Variants in ARPC1B observed in about 807,000 individuals in gnomAD.
ARPC1B encodes actin related protein 2/3 complex subunit 1B.
Under a neutral mutation model 46.0 loss-of-function variants are expected in ARPC1B, and 29 were observed. The observed-to-expected ratio is 0.63, with a 90% confidence interval of 0.47 to 0.86. The LOEUF is 0.86. ARPC1B is among the 40% of genes least tolerant of loss of function. The probability of loss-of-function intolerance (pLI) is 0.00; values close to 1 mark genes in which losing one functional copy is unlikely to be tolerated. For missense variants in ARPC1B, 469 were observed against 529.4 expected, an observed-to-expected ratio of 0.89 and a Z score of 1.12; for synonymous variants, 201 against 213.9, an observed-to-expected ratio of 0.94 and a Z score of 0.53.
rs1391801604 is a variant in ARPC1B at position 99,392,788 on chromosome 7, C to T, written c.901C>T (p.Arg301Cys). ...GCAGCGTGGCTTGACGGCCCGCGAG[C>T]GCTTCCAGAACCTGGACAAGAAGGC... The part of the protein sequence containing the change: ...SSQRGLTARE[R>C]FQNLDKKASS... Residue 301 changes from arginine (R) to cysteine (C), a missense_variant, in exon 8 of 10, where the codon CGC becomes TGC. Physicochemically the swap from Arg to Cys is radical, Grantham distance 180. Transcript: ENST00000646101. 3 of 1,549,882 alleles carry T rather than the reference C, an allele frequency of 1.9e-6. No homozygotes were observed. Among genetic ancestry groups the T allele is most frequent in the Non-Finnish European group, 2.6e-6 (3 of 1,146,718 alleles).
rs761661065 is a variant in ARPC1B, at chr7:99,376,045, G to A, written c.-14+1264G>A. ...CCATTGCACTCCAGCCTGGGCAACA[G>A]AGCAAGACTCCGTCTCAAAAAAAAA... On this transcript the variant is annotated intron_variant, in intron 1 of 9. Transcript: ENST00000646101. Among the ~76,000 whole-genome samples, 3 of 143,466 alleles carry A rather than the reference G, an allele frequency of 2.1e-5. No homozygotes were observed. In the Admixed American group the frequency reaches 2.1e-4, roughly 10 times the overall value. 94.1% of individuals were successfully genotyped at this position (143,466 alleles called of 152,430 possible).
intron 7 of ARPC1B, chr7:99,392,278 G>T (rs917572478): frequency 2.5e-5 from 5 of 197,364 alleles, no homozygotes; most frequent in Middle Eastern, 2.0e-3. Context: ...TCCAGGAAGG[G>T]CACTGCTCTC....
At chr7:99,391,277 G>A in intron 7 of ARPC1B, 24 bp downstream of exon 7, 1 of 1,610,642 alleles carries the variant, frequency 6.2e-7, no homozygotes, top group Non-Finnish European at 8.5e-7. Context: ...AGGGGAGGGA[G>A]GGTGTGTGGT....
At chr7:99,376,198 G>T (rs564570426) in intron 1 of ARPC1B, among the ~76,000 whole-genome samples, 2 of 152,276 alleles carry the variant, frequency 1.3e-5, no homozygotes, top group South Asian at 4.1e-4. Context: ...AACAGAGCCA[G>T]ACTCCGTCTC....
chr7:99,392,867 A>G lies in ARPC1B; in HGVS notation c.980A>G (p.Asn327Ser), dbSNP rs903910250. Residue 327 changes from asparagine to serine, a missense_variant, in exon 8 of 10, where the codon AAC (asparagine) becomes AGC (serine). Physicochemically the swap from Asn to Ser is conservative, Grantham distance 46. Coordinates refer to ENST00000646101, the MANE Select transcript of ARPC1B (RefSeq NM_005720.4). ...AGAGLDSLHKNSVSQISVLSG... is the reference protein window; with the variant it reads ...AGAGLDSLHKSSVSQISVLSG... The stretch of plus-strand genomic sequence containing the variant: ...GCGGGCCTAGACTCGCTGCACAAGA[A>G]CAGCGTCAGGTGAGAGCGGGAGCCG... 26 of 1,544,892 alleles carry G rather than the reference A, an allele frequency of 1.7e-5. No homozygotes were observed. The Admixed American group carries it at 2.4e-4, about 14-fold the overall frequency.
At chr7:99,384,415 C>A (rs1055786166) in intron 1 of ARPC1B, among the ~76,000 whole-genome samples, 1 of 150,434 alleles carries the variant, frequency 6.6e-6, no homozygotes, top group African/African-American at 2.5e-5. Flanking sequence ...TGTGAGACCC[C>A]CCTCTCTACA....
intron 1 of ARPC1B, among the ~76,000 whole-genome samples, chr7:99,381,929 T>A (rs1311496663): frequency 1.3e-5 from 2 of 152,170 alleles, no homozygotes; most frequent in African/African-American, 4.8e-5. Context: ...CCTGGTTGGC[T>A]CCCAGCCCAG....
chr7:99,377,613 T>G lies in ARPC1B; in HGVS notation c.-14+2832T>G, dbSNP rs182789450. 9.7e-3 allele frequency among the ~76,000 whole-genome samples: 1,380 copies of G among 141,868 alleles called. 19 individuals carry two copies. Among genetic ancestry groups the G allele is most frequent in the African/African-American group, 0.031 (1,243 of 40,128 alleles). The allele number at this position is 141,868 out of a possible 152,430, so 93.1% of individuals were successfully genotyped here. On this transcript the variant is annotated intron_variant, in intron 1 of 9. Coordinates refer to ENST00000646101, the MANE Select transcript of ARPC1B (RefSeq NM_005720.4). ...CAGGCGTGAGCCACCGCGCCCAGCTTCTTCTTCTTCTTCTTCTTCTTTTTT... is the reference window on the plus strand; with the variant it reads ...CAGGCGTGAGCCACCGCGCCCAGCTGCTTCTTCTTCTTCTTCTTCTTTTTT...
chr7:99,394,170 TC>T lies in ARPC1B; in HGVS notation c.1080+57del, dbSNP rs1219708794. ...CGCCATGCCTCCCAGGTCAACCCTT[TC>T]CCCCCATCCCCACTCCCTGGAGATG... On this transcript the variant is annotated intron_variant, in intron 9 of 9. Transcript: ENST00000646101. 1.9e-6 allele frequency: 3 copies of T among 1,572,926 alleles called. No individual in the cohort carries two copies. The Admixed American group carries it at 5.2e-5, about 27-fold the overall frequency.
At chr7:99,385,896 C>G (rs746311773) in intron 2 of ARPC1B, 118 bp downstream of exon 2, 41 of 1,083,442 alleles carry the variant, frequency 3.8e-5, no homozygotes, top group Non-Finnish European at 5.4e-5. Flanking sequence ...CTCCATGTGG[C>G]TGTCCCCTGG....
intron 1 of ARPC1B, among the ~76,000 whole-genome samples, chr7:99,384,531 G>C (rs1030080657): frequency 6.6e-6 from 1 of 152,150 alleles, no homozygotes; most frequent in African/African-American, 2.4e-5. Context: ...CTGGGCCACA[G>C]AGAGAGACCC....
rs1306393256 is a variant in ARPC1B at position 99,391,047 on chromosome 7, T to TG, written c.658dup (p.Val220GlyfsTer11). ...CTCAGCCAGCGGGAGCCGCGTGGCC[T>TG]GGGTAAGCCACGACAGCACCGTCTG... On this transcript the variant is annotated frameshift_variant, in exon 6 of 10. Coordinates refer to ENST00000646101, the MANE Select transcript of ARPC1B (RefSeq NM_005720.4). LOFTEE classifies it high-confidence loss of function. The TG allele has an allele frequency of 6.2e-7, 1 of 1,613,836 alleles. No individual in the cohort carries two copies. The highest frequency in any genetic ancestry group is 1.3e-5 in the African/African-American group (1 of 74,922).
intron 1 of ARPC1B, among the ~76,000 whole-genome samples, chr7:99,376,082 C>T (rs113005214): frequency 1.4e-5 from 2 of 142,352 alleles, no homozygotes; most frequent in East Asian, 2.0e-4. Flanking sequence ...AAAAAAGCCA[C>T]GTAACATGCC....
At chr7:99,392,952 C>T in intron 8 of ARPC1B, 76 bp downstream of exon 8, 1 of 1,391,364 alleles carries the variant, frequency 7.2e-7, no homozygotes, top group Non-Finnish European at 9.6e-7. Context: ...AGGAAGGGGC[C>T]TGGAGTCTTC....
At chr7:99,377,340 T>A (rs1794058348) in intron 1 of ARPC1B, 1 of 150,332 alleles carries the variant, frequency 6.7e-6, no homozygotes, top group Non-Finnish European at 1.5e-5. Context: ...TGAGACAGTG[T>A]CTTGTTCTGT....
chr7:99,379,564 A>G (rs11762273), intron 1 of ARPC1B, among the ~76,000 whole-genome samples: 53,784 of 152,062 alleles, frequency 0.35, 16,198 homozygotes, highest in African/African-American at 0.82. Flanking sequence ...GGGAAACCTA[A>G]GGAAGCCAGG....
chr7:99,381,226 G>A (rs1366275540), intron 1 of ARPC1B, among the ~76,000 whole-genome samples: 2 of 152,210 alleles, frequency 1.3e-5, no homozygotes, highest in Non-Finnish European at 2.9e-5. Flanking sequence ...TGCTTGTTCT[G>A]GGTAAGGCTG....
At position 99,388,220 on chromosome 7, in the gene ARPC1B, T is replaced by C. The variant is rs1562815691; in HGVS notation, c.351T>C (p.Ser117=). 1.2e-6 allele frequency: 2 copies of C among 1,614,194 alleles called. No homozygotes were observed. Among genetic ancestry groups the C allele is most frequent in the Non-Finnish European group, 1.7e-6 (2 of 1,180,016 alleles). ...ACAAGTTTGCTGTGGGCAGCGGCTC[T>C]CGTGTGATCTCCATCTGTTATTTCG... ...NENKFAVGSG[S]RVISICYFEQ... is the part of the protein sequence containing the mutation. Residue 117 remains serine, a synonymous_variant, in exon 4 of 10, where the codon TCT becomes TCC. Coordinates refer to ENST00000646101, the MANE Select transcript of ARPC1B (RefSeq NM_005720.4).
At chr7:99,387,038 G>A (rs1412574932) in intron 3 of ARPC1B, among the ~76,000 whole-genome samples, 2 of 152,246 alleles carry the variant, frequency 1.3e-5, no homozygotes, top group African/African-American at 2.4e-5. Context: ...CTGCCTCTTG[G>A]CTTTGCCCTC....
Sources: gnomAD v4.1 joint callset for allele counts (sites outside exome capture counted in the v4.1 genomes callset) on GRCh38, gnomAD v4.1.1 for gene constraint, MANE v1.5 for transcripts, NCBI Gene and HGNC (gene_info 2026-07-23, HGNC 2026-07-21) for gene names.